Variants in HS6ST2 observed in about 807,000 individuals in gnomAD.
HS6ST2 encodes the protein heparan sulfate 6-O-sulfotransferase 2, also known as heparan-sulfate 6-O-sulfotransferase 2.
A neutral mutation model predicts 33.0 loss-of-function variants in HS6ST2; 17 were observed. That is an observed-to-expected ratio of 0.52 (90% CI 0.35 to 0.77). The LOEUF (loss-of-function observed/expected upper bound fraction) is 0.77. Ranked by LOEUF, HS6ST2 falls within the 30% of genes least tolerant of loss-of-function variation. HS6ST2 has a pLI of 0.01. For synonymous variants in HS6ST2, 248 were observed against 237.1 expected (o/e 1.05, Z -0.42); for missense variants, 519 against 551.7 (o/e 0.94, Z 0.59).
chrX:132,854,122 A>G (rs900606037), intron 2 of HS6ST2, among the ~76,000 whole-genome samples: 1 of 112,016 alleles, frequency 8.9e-6, no homozygotes, highest in Admixed American at 9.4e-5. Context: ...TCATCTTAAC[A>G]GCGTTTTGGA....
chrX:132,932,932 A>G (rs2066789790), intron 2 of HS6ST2, among the ~76,000 whole-genome samples: 1 of 106,173 alleles, frequency 9.4e-6, no homozygotes, highest in African/African-American at 3.4e-5. Context: ...ATTTTTCTAT[A>G]TATATTTTCT....
chrX:132,735,697 C>G (rs766488585), intron 2 of HS6ST2, among the ~76,000 whole-genome samples: 1 of 111,654 alleles, frequency 9.0e-6, no homozygotes, highest in Non-Finnish European at 1.9e-5. Flanking sequence ...GGCTTTGGCC[C>G]GAGGACGCCA....
At chrX:132,723,208 C>T (rs2064353342) in intron 2 of HS6ST2, among the ~76,000 whole-genome samples, 1 of 111,617 alleles carries the variant, frequency 9.0e-6, no homozygotes, top group African/African-American at 3.3e-5. Flanking sequence ...AAGAAAAGCC[C>T]TGGACCTCAT....
chrX:132,766,701 TACC>T (rs1315573931), intron 2 of HS6ST2, among the ~76,000 whole-genome samples: 1 of 111,984 alleles, frequency 8.9e-6, no homozygotes. Context: ...TGCATTTTCA[TACC>T]ACCAATTCTC....
At chrX:132,713,299 T>C (rs2064246895) in intron 2 of HS6ST2, among the ~76,000 whole-genome samples, 1 of 110,859 alleles carries the variant, frequency 9.0e-6, no homozygotes, top group Admixed American at 9.5e-5. Context: ...AGGTCCACAG[T>C]CATCATACAA....
At chrX:132,883,032 A>G (rs1334535809) in intron 2 of HS6ST2, among the ~76,000 whole-genome samples, 1 of 110,926 alleles carries the variant, frequency 9.0e-6, no homozygotes, top group African/African-American at 3.3e-5. Context: ...GTTTGCCAGT[A>G]TTTTATTGAG....
chrX:132,782,072 T>A (rs1229402580), intron 2 of HS6ST2, among the ~76,000 whole-genome samples: 1 of 111,695 alleles, frequency 9.0e-6, no homozygotes, highest in Non-Finnish European at 1.9e-5. Context: ...GGTGATTCCA[T>A]GATGAAATCC....
intron 2 of HS6ST2, among the ~76,000 whole-genome samples, chrX:132,895,025 T>G (rs2066360705): frequency 8.9e-6 from 1 of 112,421 alleles, no homozygotes; most frequent in African/African-American, 3.2e-5. Flanking sequence ...ACCACCTTAA[T>G]TTTAGCTACA....
chrX:132,760,613 GAA>G (rs2064796762), intron 2 of HS6ST2, among the ~76,000 whole-genome samples: 1 of 111,807 alleles, frequency 8.9e-6, no homozygotes, highest in South Asian at 3.8e-4. Flanking sequence ...TCAGAGCAAA[GAA>G]AAGTTTTAGC....
chrX:132,659,579 T>TCTAA (rs35990068), intron 4 of HS6ST2, among the ~76,000 whole-genome samples: 51,554 of 110,373 alleles, frequency 0.47, 11,581 homozygotes, highest in African/African-American at 0.89. Context: ...TCCTATCCCA[T>TCTAA]CTGAGGCCTC....
chrX:132,789,026 A>G (rs1454130414), intron 2 of HS6ST2, among the ~76,000 whole-genome samples: 1 of 112,883 alleles, frequency 8.9e-6, no homozygotes, highest in Non-Finnish European at 1.9e-5. Context: ...AGCTATAGCC[A>G]GTTATCCAGA....
intron 2 of HS6ST2, 97 bp downstream of exon 2, chrX:132,956,711 C>G: frequency 9.9e-7 from 1 of 1,006,530 alleles, no homozygotes; most frequent in Non-Finnish European, 1.3e-6. Context: ...GCCCGGGCGT[C>G]AGGGTGCGCG....
At chrX:132,636,890 A>G (rs1383605986) in intron 4 of HS6ST2, among the ~76,000 whole-genome samples, 1 of 111,932 alleles carries the variant, frequency 8.9e-6, no homozygotes, top group Non-Finnish European at 1.9e-5. Context: ...CCTGACACTT[A>G]TACGTTAACT....
At chrX:132,763,242 C>T (rs1294615884) in intron 2 of HS6ST2, among the ~76,000 whole-genome samples, 1 of 112,006 alleles carries the variant, frequency 8.9e-6, no homozygotes, top group Non-Finnish European at 1.9e-5. Context: ...TACCTAGTTA[C>T]TCATTTGTAA....
At chrX:132,682,521 TA>T (rs1305476875) in intron 3 of HS6ST2, among the ~76,000 whole-genome samples, 3 of 112,025 alleles carry the variant, frequency 2.7e-5, no homozygotes, top group Non-Finnish European at 5.6e-5. Context: ...CAAAAGGATA[TA>T]AACAATCCTT....
chrX:132,745,908 C>G (rs1260432782), intron 2 of HS6ST2, among the ~76,000 whole-genome samples: 1 of 111,700 alleles, frequency 9.0e-6, no homozygotes, highest in Non-Finnish European at 1.9e-5. Context: ...CTGTTTTTTT[C>G]TTACTTAAAA....
At chrX:132,668,120 C>A (rs1372062415) in intron 4 of HS6ST2, among the ~76,000 whole-genome samples, 4 of 112,160 alleles carry the variant, frequency 3.6e-5, no homozygotes. Context: ...AGATCATATT[C>A]AAAGTGCAGC....
At chrX:132,630,719 G>A (rs778026531) in intron 4 of HS6ST2, among the ~76,000 whole-genome samples, 70 of 111,601 alleles carry the variant, frequency 6.3e-4, no homozygotes, top group African/African-American at 2.1e-3. Context: ...GGCTGAGGTG[G>A]GTGGGTTGCT....
At chrX:132,718,918 G>A (rs1362837669) in intron 2 of HS6ST2, among the ~76,000 whole-genome samples, 1 of 110,262 alleles carries the variant, frequency 9.1e-6, no homozygotes, top group Non-Finnish European at 1.9e-5. Flanking sequence ...GGTGCTCCTT[G>A]CTATTATACC....
Sources: allele counts gnomAD v4.1 joint callset (sites outside exome capture counted in the v4.1 genomes callset), GRCh38; gene constraint gnomAD v4.1.1; transcripts MANE v1.5; gene names NCBI Gene and HGNC (gene_info 2026-07-23, HGNC 2026-07-21).